The following EPHA6 variants were observed in gnomAD, a reference collection of about 807,000 sequenced individuals.
The protein encoded by EPHA6 is ephrin type-A receptor 6.
Under a neutral mutation model 112.0 loss-of-function variants are expected in EPHA6, and 50 were observed. The ratio of observed to expected loss-of-function variants is 0.45; its 90% CI spans 0.36 to 0.56. EPHA6 has a LOEUF of 0.56. EPHA6 is among the 20% of genes least tolerant of loss of function. The pLI is 0.00. For missense variants in EPHA6, 1,280 were observed against 1,417.4 expected (o/e 0.90, Z 1.56); for synonymous variants, 529 against 490.7 (o/e 1.08, Z -1.03).
intron 13 of EPHA6, among the ~76,000 whole-genome samples, chr3:97,625,048 T>C (rs910062015): frequency 2.0e-5 from 3 of 151,550 alleles, no homozygotes; most frequent in Non-Finnish European, 3.0e-5. Context: ...CTATTTTATT[T>C]ATCTTTCTTC....
At chr3:96,914,767 A>G (rs111609094) in intron 2 of EPHA6, among the ~76,000 whole-genome samples, 1,583 of 152,196 alleles carry the variant, frequency 0.01, 26 homozygotes, top group African/African-American at 0.036. Flanking sequence ...AAAGTTGTAT[A>G]TTTTGATTTT....
chr3:96,898,885 G>A (rs930072552), intron 2 of EPHA6, among the ~76,000 whole-genome samples: 107 of 151,738 alleles, frequency 7.1e-4, no homozygotes, highest in Non-Finnish European at 9.4e-4. Context: ...AAAATTAGCC[G>A]GGCATGGTGG....
chr3:97,394,778 A>G (rs960979623), intron 5 of EPHA6, among the ~76,000 whole-genome samples: 3 of 151,766 alleles, frequency 2.0e-5, no homozygotes, highest in Non-Finnish European at 3.0e-5. Context: ...AAAAGTGACA[A>G]ATGATTGCAA....
In EPHA6 at chr3:97,475,364, C is replaced by A; in HGVS notation, c.1907C>A (p.Ala636Glu). 1 of 1,609,114 alleles carries A rather than the reference C, an allele frequency of 6.2e-7. No individual in the cohort carries two copies. The highest frequency in any genetic ancestry group is 8.5e-7 in the Non-Finnish European group (1 of 1,177,432). ...FETGDETSDM[A>E]AEQGQILVIA... Reference sequence around the variant, plus strand: ...ATCTCTGTTTCAGCTTCTGACATGGCAGCAGAACAAGGACAGATTCTCGTG... The same window carrying A: ...ATCTCTGTTTCAGCTTCTGACATGGAAGCAGAACAAGGACAGATTCTCGTG... The change falls in exon 8 of 18, where the codon GCA becomes GAA. Residue 636 changes from alanine (A) to glutamate (E), a missense_variant. Ala to Glu is a moderately radical substitution (Grantham distance 107). Transcript: ENST00000389672.
At chr3:97,480,044 A>G (rs1025161980) in intron 9 of EPHA6, among the ~76,000 whole-genome samples, 4 of 152,240 alleles carry the variant, frequency 2.6e-5, no homozygotes, top group Non-Finnish European at 4.4e-5. Context: ...ACCACAGTGT[A>G]GAGATAATAT....
At chr3:97,543,526 C>T (rs1397054507) in intron 11 of EPHA6, among the ~76,000 whole-genome samples, 1 of 152,072 alleles carries the variant, frequency 6.6e-6, no homozygotes, top group Non-Finnish European at 1.5e-5. Context: ...AGTCAGGTAG[C>T]GTGCTGCCTC....
At chr3:97,442,597 A>G (rs1385783876) in intron 6 of EPHA6, among the ~76,000 whole-genome samples, 2 of 152,154 alleles carry the variant, frequency 1.3e-5, no homozygotes, top group Non-Finnish European at 2.9e-5. Context: ...GAGACTGAAG[A>G]ACAAACCAGA....
chr3:97,235,184 C>T (rs2108563548), intron 4 of EPHA6, among the ~76,000 whole-genome samples: 1 of 152,146 alleles, frequency 6.6e-6, no homozygotes, highest in Admixed American at 6.6e-5. Flanking sequence ...TTAGAAAATA[C>T]TTGGTTTATT....
rs150238693 is a variant in EPHA6, at chr3:96,891,634, G to A, written c.450+24745G>A. ...TGAGGCAAGAGAATTGCTTGAACCC[G>A]GGAGGCGGAGGTTTCAATGAGCCAA... On this transcript the variant is annotated intron_variant, in intron 2 of 17. Coordinates refer to ENST00000389672, the MANE Select transcript of EPHA6 (RefSeq NM_001080448.3). 1.1e-4 allele frequency among the ~76,000 whole-genome samples: 17 copies of A among 152,184 alleles called. No homozygotes were observed. In the East Asian group the frequency reaches 3.1e-3, roughly 28 times the overall value.
At chr3:97,263,151 T>C (rs1228261966) in intron 5 of EPHA6, among the ~76,000 whole-genome samples, 1 of 152,190 alleles carries the variant, frequency 6.6e-6, no homozygotes, top group Non-Finnish European at 1.5e-5. Context: ...GAATCAATAT[T>C]TATTAACCAT....
chr3:97,142,679 T>C (rs1424647804), intron 3 of EPHA6, among the ~76,000 whole-genome samples: 1 of 151,788 alleles, frequency 6.6e-6, no homozygotes, highest in Non-Finnish European at 1.5e-5. Flanking sequence ...ATAAAACATC[T>C]TCCAACAAAA....
chr3:97,178,299 T>G (rs1322488590), intron 3 of EPHA6, among the ~76,000 whole-genome samples: 3 of 152,114 alleles, frequency 2.0e-5, no homozygotes, highest in Non-Finnish European at 4.4e-5. Flanking sequence ...CTTACGGTAT[T>G]CACTATGTCC....
intron 2 of EPHA6, among the ~76,000 whole-genome samples, chr3:96,906,637 T>G (rs953370874): frequency 6.6e-6 from 1 of 152,060 alleles, no homozygotes; most frequent in African/African-American, 2.4e-5. Flanking sequence ...AACCACATCA[T>G]TTGTTCTTTG....
intron 3 of EPHA6, among the ~76,000 whole-genome samples, chr3:97,070,984 T>G (rs1034884559): frequency 1.3e-5 from 2 of 152,112 alleles, no homozygotes; most frequent in Non-Finnish European, 2.9e-5. Context: ...GTAGTATAGA[T>G]TTTTATAGGG....
At chr3:96,916,192 C>G (rs970392897) in intron 2 of EPHA6, among the ~76,000 whole-genome samples, 1 of 152,088 alleles carries the variant, frequency 6.6e-6, no homozygotes, top group African/African-American at 2.4e-5. Context: ...TCCAGGGACA[C>G]ATAAAAGGAG....
chr3:97,744,915 G>A (rs1279339505), intron 16 of EPHA6, among the ~76,000 whole-genome samples: 1 of 151,874 alleles, frequency 6.6e-6, no homozygotes, highest in Non-Finnish European at 1.5e-5. Flanking sequence ...ACTTTGACAA[G>A]TATTTAAAAG....
At chr3:97,466,519 G>T in intron 7 of EPHA6, 1 of 899,018 alleles carries the variant, frequency 1.1e-6, no homozygotes, top group Non-Finnish European at 1.9e-6. Context: ...TGAGGGTCGG[G>T]CCAAATCCAG....
chr3:97,037,234 G>T (rs2045134950), intron 3 of EPHA6, among the ~76,000 whole-genome samples: 2 of 151,676 alleles, frequency 1.3e-5, no homozygotes, highest in Admixed American at 1.3e-4. Context: ...TGGGAAGTAT[G>T]CACATACACA....
At chr3:97,156,977 T>A (rs113933981) in intron 3 of EPHA6, among the ~76,000 whole-genome samples, 1,982 of 152,092 alleles carry the variant, frequency 0.013, 29 homozygotes, top group African/African-American at 0.044. Context: ...CACAGCAACT[T>A]TTAGAGTTAC....
Sources: allele counts gnomAD v4.1 joint callset (sites outside exome capture counted in the v4.1 genomes callset), GRCh38; gene constraint gnomAD v4.1.1; transcripts MANE v1.5; gene names NCBI Gene and HGNC (gene_info 2026-07-23, HGNC 2026-07-21).